NALF1: variants seen among roughly 807,000 people sequenced by gnomAD.
The protein encoded by NALF1 is family with sequence similarity 155 member A.
NALF1 carries 3 observed loss-of-function variants against 48.4 expected under a neutral mutation model. That is an observed-to-expected ratio of 0.06 (90% confidence interval 0.03 to 0.16). The LOEUF is 0.16. Among genes scored for constraint, NALF1 ranks in the 10% least tolerant of loss-of-function variants. The pLI, the probability that NALF1 is intolerant of heterozygous loss-of-function variation, is 1.00. For missense variants in NALF1, 526 were observed against 571.5 expected, an observed-to-expected ratio of 0.92 and a Z score of 0.81; for synonymous variants, 262 against 245.7, an observed-to-expected ratio of 1.07 and a Z score of -0.62.
rs74114007 is a variant in NALF1, at chr13:107,236,584, A to C, written c.916-25829T>G. Among the ~76,000 whole-genome samples the C allele has an allele frequency of 9.6e-3, 1,455 of 152,308 alleles. 19 individuals carry two copies. Among genetic ancestry groups the C allele is most frequent in the African/African-American group, 0.033 (1,386 of 41,556 alleles). On this transcript the variant is annotated intron_variant, in intron 1 of 2. Transcript: ENST00000375915. Reference sequence around the variant, plus strand: ...GTTTCTTAATGCTAGACATCAAATTAGTATCAAATCCATGGAATAGAAACT... The same window carrying C: ...GTTTCTTAATGCTAGACATCAAATTCGTATCAAATCCATGGAATAGAAACT...
In NALF1 at chr13:107,708,180, C is replaced by A. The variant is rs139680826; in HGVS notation, c.915+157502G>T. ...GGAAGGGTCAACCCTTGCTCTACTG[C>A]TCACATTTTTTCTCCATTATGTCTG... On this transcript the variant is annotated intron_variant, in intron 1 of 2. Coordinates refer to ENST00000375915, the MANE Select transcript of NALF1 (RefSeq NM_001080396.3). Among the ~76,000 whole-genome samples, 543 of 152,290 alleles carry A rather than the reference C, an allele frequency of 3.6e-3. 4 individuals are homozygous for A. Among genetic ancestry groups the A allele is most frequent in the African/African-American group, 0.012 (496 of 41,556 alleles).
chr13:107,417,201 G>C (rs1884105338), intron 1 of NALF1, among the ~76,000 whole-genome samples: 1 of 152,144 alleles, frequency 6.6e-6, no homozygotes, highest in Non-Finnish European at 1.5e-5. Context: ...CCTGAAGCTA[G>C]GCTGGAAGAC....
At chr13:107,703,515 G>A (rs1159521060) in intron 1 of NALF1, among the ~76,000 whole-genome samples, 2 of 151,710 alleles carry the variant, frequency 1.3e-5, no homozygotes, top group African/African-American at 4.8e-5. Flanking sequence ...CACCATACCT[G>A]GCTAATTTAT....
At chr13:107,773,325 TCA>T (rs1372522033) in intron 1 of NALF1, among the ~76,000 whole-genome samples, 2 of 152,160 alleles carry the variant, frequency 1.3e-5, no homozygotes, top group African/African-American at 4.8e-5. Context: ...AAATCATACT[TCA>T]GAGTGATAAA....
At chr13:107,404,241 C>G (rs1883862837) in intron 1 of NALF1, among the ~76,000 whole-genome samples, 1 of 152,012 alleles carries the variant, frequency 6.6e-6, no homozygotes, top group Non-Finnish European at 1.5e-5. Context: ...ATCGTTGTGT[C>G]ATTTGCAACT....
chr13:107,560,353 G>A (rs1877609770), intron 1 of NALF1, among the ~76,000 whole-genome samples: 2 of 152,126 alleles, frequency 1.3e-5, no homozygotes, highest in East Asian at 3.9e-4. Context: ...ATAAACCACT[G>A]AATTGAATAA....
chr13:107,359,334 C>T (rs1336827335), intron 1 of NALF1, among the ~76,000 whole-genome samples: 1 of 152,046 alleles, frequency 6.6e-6, no homozygotes, highest in African/African-American at 2.4e-5. Flanking sequence ...TTTTACCAGA[C>T]TCTTGAGGTC....
At chr13:107,215,131 T>C (rs918329316) in intron 1 of NALF1, among the ~76,000 whole-genome samples, 1 of 152,108 alleles carries the variant, frequency 6.6e-6, no homozygotes, top group Non-Finnish European at 1.5e-5. Flanking sequence ...ACGTCGGAAG[T>C]GGGGTCTAGA....
chr13:107,578,185 T>C (rs1344521149), intron 1 of NALF1, among the ~76,000 whole-genome samples: 5 of 152,212 alleles, frequency 3.3e-5, no homozygotes. Context: ...GTCATTCCGT[T>C]TGTTGACATG....
intron 1 of NALF1, among the ~76,000 whole-genome samples, chr13:107,379,088 A>G (rs776731477): frequency 6.6e-6 from 1 of 152,208 alleles, no homozygotes; most frequent in Non-Finnish European, 1.5e-5. Flanking sequence ...ATAGCTGGTA[A>G]CTTACAGGGC....
rs140982248 is a variant in NALF1 at position 107,858,228 on chromosome 13, T to C, written c.915+7454A>G. On this transcript the variant is annotated intron_variant, in intron 1 of 2. Transcript: ENST00000375915. ...AATGTTTTCAATGATAAATTAAAACTAAATAGAAGTAGTAAATATGGCAAA... is the reference window on the plus strand; with the variant it reads ...AATGTTTTCAATGATAAATTAAAACCAAATAGAAGTAGTAAATATGGCAAA... Among the ~76,000 whole-genome samples the C allele has an allele frequency of 9.3e-4, 141 of 152,354 alleles. 1 individual carries two copies. The highest frequency in any genetic ancestry group is 3.4e-3 in the Middle Eastern group (1 of 294).
rs571783574 is a variant in NALF1 at position 107,485,783 on chromosome 13, A to C, written c.916-275028T>G. On this transcript the variant is annotated intron_variant, in intron 1 of 2. Transcript: ENST00000375915. Reference sequence around the variant, plus strand: ...TGCTACCTAAAATTTAACCAAAATCAAAAATCTTTTATGTACACTCAGGGT... The same window carrying C: ...TGCTACCTAAAATTTAACCAAAATCCAAAATCTTTTATGTACACTCAGGGT... Among the ~76,000 whole-genome samples the C allele has an allele frequency of 9.2e-4, 140 of 152,312 alleles. 1 individual carries two copies. The highest frequency in any genetic ancestry group is 3.2e-3 in the African/African-American group (135 of 41,576).
intron 1 of NALF1, among the ~76,000 whole-genome samples, chr13:107,655,948 G>T (rs1434026626): frequency 6.6e-6 from 1 of 152,046 alleles, no homozygotes; most frequent in African/African-American, 2.4e-5. Flanking sequence ...CGGATAATTG[G>T]CTAGCCACAT....
rs561106317 is a variant in NALF1 at position 107,786,994 on chromosome 13, G to T, written c.915+78688C>A. On this transcript the variant is annotated intron_variant, in intron 1 of 2. Transcript: ENST00000375915. Reference sequence around the variant, plus strand: ...AAGTAAGAGCACTGAAGTTCAGAGAGATTCATACCCTGAGTGGTAGATATA... The same window carrying T: ...AAGTAAGAGCACTGAAGTTCAGAGATATTCATACCCTGAGTGGTAGATATA... Among the ~76,000 whole-genome samples the T allele has an allele frequency of 5.3e-5, 8 of 152,276 alleles. No homozygotes were observed. In the East Asian group the frequency reaches 9.7e-4, roughly 18 times the overall value.
At chr13:107,275,191 G>T (rs759039857) in intron 1 of NALF1, among the ~76,000 whole-genome samples, 18 of 151,996 alleles carry the variant, frequency 1.2e-4, no homozygotes, top group Non-Finnish European at 1.9e-4. Context: ...TAACTTTTTT[G>T]ATCTCCTTTT....
At chr13:107,212,924 C>T (rs562328403) in intron 1 of NALF1, among the ~76,000 whole-genome samples, 55 of 152,174 alleles carry the variant, frequency 3.6e-4, no homozygotes, top group African/African-American at 1.3e-3. Context: ...CAGAAAGTGG[C>T]TCATGTTTTC....
At chr13:107,407,095 C>G (rs577536688) in intron 1 of NALF1, among the ~76,000 whole-genome samples, 1 of 152,032 alleles carries the variant, frequency 6.6e-6, no homozygotes, top group East Asian at 1.9e-4. Context: ...ACCCCCATCG[C>G]TCACCATATA....
chr13:107,702,018 C>T (rs185357642), intron 1 of NALF1, among the ~76,000 whole-genome samples: 3 of 152,202 alleles, frequency 2.0e-5, no homozygotes, highest in Admixed American at 2.0e-4. Flanking sequence ...ATAATAAATG[C>T]ATTGACAAAC....
intron 1 of NALF1, among the ~76,000 whole-genome samples, chr13:107,665,210 C>T (rs1334792216): frequency 2.0e-5 from 3 of 152,024 alleles, no homozygotes; most frequent in African/African-American, 7.2e-5. Flanking sequence ...CATCTATACT[C>T]AAGGTTTATT....
Sources: gnomAD v4.1 joint callset for allele counts (sites outside exome capture counted in the v4.1 genomes callset) on GRCh38, gnomAD v4.1.1 for gene constraint, MANE v1.5 for transcripts, NCBI Gene and HGNC (gene_info 2026-07-23, HGNC 2026-07-21) for gene names.